Variants in SLC39A11 observed in about 807,000 individuals in gnomAD.
SLC39A11 encodes zinc transporter ZIP11.
A neutral mutation model predicts 36.1 loss-of-function variants in SLC39A11; 33 were observed. The ratio of observed to expected loss-of-function variants is 0.91; its 90% CI spans 0.69 to 1.22. The LOEUF is 1.22. Ranked by LOEUF, SLC39A11 falls within the 50% of genes most tolerant of loss-of-function variation. The pLI, the probability that SLC39A11 is intolerant of heterozygous loss-of-function variation, is 0.00. For synonymous variants in SLC39A11, 166 were observed against 170.3 expected, an observed-to-expected ratio of 0.97 and a Z score of 0.20; for missense variants, 432 against 430.3, an observed-to-expected ratio of 1.00 and a Z score of -0.03.
chr17:73,035,795 C>T (rs183870855), intron 3 of SLC39A11, among the ~76,000 whole-genome samples: 4 of 126,818 alleles, frequency 3.2e-5, no homozygotes, highest in East Asian at 5.3e-4. Context: ...ACCCAGGAGG[C>T]GGAGGTTGCA....
At chr17:73,008,451 C>T (rs2090318481) in intron 4 of SLC39A11, among the ~76,000 whole-genome samples, 1 of 152,226 alleles carries the variant, frequency 6.6e-6, no homozygotes, top group African/African-American at 2.4e-5. Context: ...CCCAAGTGTC[C>T]TTCCAGCTCC....
rs535790826 is a variant in SLC39A11 at position 72,909,900 on chromosome 17, T to C, written c.430+37852A>G. Among the ~76,000 whole-genome samples the C allele has an allele frequency of 9.7e-3, 1,476 of 151,968 alleles. 15 individuals carry two copies. Among genetic ancestry groups the C allele is most frequent in the African/African-American group, 0.018 (743 of 41,468 alleles). On this transcript the variant is annotated intron_variant, in intron 5 of 9. Transcript: ENST00000255559. ...AGCTGGGACTCCAGGCGCCCGCCAT[T>C]ACGCCCGGCTACTTTTTTTTTTTGT...
Position 72,997,753 on chromosome 17 carries a change from C to T in SLC39A11, c.306+33803G>A, listed in dbSNP as rs558576287. 2.7e-4 allele frequency among the ~76,000 whole-genome samples: 41 copies of T among 152,314 alleles called. No homozygotes were observed. The South Asian group carries it at 6.6e-3, about 25-fold the overall frequency. On this transcript the variant is annotated intron_variant, in intron 4 of 9. Transcript: ENST00000255559. ...GAATTATTCCTTTGTCCAGAGTACC[C>T]GCATTGTCTACGCTAGCCATCCATT...
chr17:73,007,873 C>G (rs1285268606), intron 4 of SLC39A11, among the ~76,000 whole-genome samples: 1 of 152,154 alleles, frequency 6.6e-6, no homozygotes, highest in African/African-American at 2.4e-5. Flanking sequence ...GAGGCCGAGG[C>G]ATGTGGATCA....
At chr17:72,932,896 C>G (rs2084504563) in intron 5 of SLC39A11, among the ~76,000 whole-genome samples, 1 of 152,148 alleles carries the variant, frequency 6.6e-6, no homozygotes, top group Admixed American at 6.5e-5. Context: ...CAAATCTATA[C>G]CATTTCTATA....
intron 4 of SLC39A11, among the ~76,000 whole-genome samples, chr17:72,952,677 G>GTTTGA (rs2147807829): frequency 6.6e-6 from 1 of 152,262 alleles, no homozygotes; most frequent in African/African-American, 2.4e-5. Context: ...GTTTGGTTTG[G>GTTTGA]TTTGATTTGG....
intron 6 of SLC39A11, among the ~76,000 whole-genome samples, chr17:72,815,475 G>C (rs2077552711): frequency 6.6e-6 from 1 of 151,866 alleles, no homozygotes; most frequent in African/African-American, 2.4e-5. Flanking sequence ...AAATTAGCAG[G>C]TCATGGTGGC....
intron 3 of SLC39A11, chr17:73,068,221 C>A: frequency 1.1e-6 from 1 of 941,014 alleles, no homozygotes; most frequent in Non-Finnish European, 1.6e-6. Context: ...GGGAGACCTC[C>A]GTAAGTCCTT....
At chr17:72,791,163 TTTGAGAA>T (rs2076688881) in intron 6 of SLC39A11, among the ~76,000 whole-genome samples, 1 of 29,076 alleles carries the variant, frequency 3.4e-5, no homozygotes, top group Admixed American at 2.8e-4. Flanking sequence ...GCATGTTAAG[TTTGAGAA>T]CCGGCTGGGC....
chr17:72,796,543 G>A (rs2076901214), intron 6 of SLC39A11, among the ~76,000 whole-genome samples: 1 of 152,176 alleles, frequency 6.6e-6, no homozygotes, highest in Non-Finnish European at 1.5e-5. Context: ...CATGCCAGGT[G>A]AGGGGAAGGG....
chr17:73,050,753 C>T (rs1327629020), intron 3 of SLC39A11, among the ~76,000 whole-genome samples: 1 of 152,182 alleles, frequency 6.6e-6, no homozygotes, highest in Non-Finnish European at 1.5e-5. Flanking sequence ...GCGTGAGCCA[C>T]CATGCCTGGC....
At chr17:72,986,628 G>A (rs1330223352) in intron 4 of SLC39A11, among the ~76,000 whole-genome samples, 1 of 152,176 alleles carries the variant, frequency 6.6e-6, no homozygotes, top group Non-Finnish European at 1.5e-5. Context: ...TACAGTCTTG[G>A]GCCCCAACCC....
chr17:73,052,911 G>A (rs552699399), intron 3 of SLC39A11, among the ~76,000 whole-genome samples: 1 of 152,312 alleles, frequency 6.6e-6, no homozygotes, highest in East Asian at 1.9e-4. Context: ...ATGTTGGCCA[G>A]GCTGGTCTCG....
chr17:72,701,328 C>A (rs577213064), intron 7 of SLC39A11, among the ~76,000 whole-genome samples: 4 of 152,200 alleles, frequency 2.6e-5, no homozygotes, highest in Non-Finnish European at 4.4e-5. Flanking sequence ...GGAGGGCACA[C>A]AAGGACGTGG....
chr17:72,815,955 T>A (rs1235732559), intron 6 of SLC39A11, among the ~76,000 whole-genome samples: 2 of 152,210 alleles, frequency 1.3e-5, no homozygotes, highest in African/African-American at 4.8e-5. Flanking sequence ...GTTTTGTTGT[T>A]GTTGTACCTG....
intron 7 of SLC39A11, among the ~76,000 whole-genome samples, chr17:72,731,399 T>C (rs1243225037): frequency 3.3e-5 from 5 of 152,160 alleles, no homozygotes; most frequent in Non-Finnish European, 5.9e-5. Flanking sequence ...TCCCCAATGT[T>C]GGGGGTAGGA....
rs563055553 is a variant in SLC39A11 at position 72,697,041 on chromosome 17, C to T, written c.671+39609G>A. ...TTCTGCTAATAGCCATAACACCAGA[C>T]GTTTCATTTTCACGGCTTTGCAAAA... is the stretch of plus-strand genomic sequence containing the variant. On this transcript the variant is annotated intron_variant, in intron 7 of 9. Transcript: ENST00000255559. 1.1e-4 allele frequency among the ~76,000 whole-genome samples: 16 copies of T among 152,340 alleles called. No individual in the cohort carries two copies. In the South Asian group the frequency reaches 1.9e-3, roughly 18 times the overall value.
At chr17:73,003,495 G>T (rs1407218654) in intron 4 of SLC39A11, among the ~76,000 whole-genome samples, 1 of 152,156 alleles carries the variant, frequency 6.6e-6, no homozygotes, top group Non-Finnish European at 1.5e-5. Context: ...TAGAGAGGAG[G>T]CAGACAAGAC....
chr17:72,780,167 G>C (rs780400185), intron 6 of SLC39A11, among the ~76,000 whole-genome samples: 6 of 152,166 alleles, frequency 3.9e-5, no homozygotes, highest in Admixed American at 6.5e-5. Flanking sequence ...GGGAAGAGCT[G>C]ATTAAGAGTT....
Sources: gnomAD v4.1 joint callset for allele counts (sites outside exome capture counted in the v4.1 genomes callset) on GRCh38, gnomAD v4.1.1 for gene constraint, MANE v1.5 for transcripts, NCBI Gene and HGNC (gene_info 2026-07-23, HGNC 2026-07-21) for gene names.